The following PTPRK variants were observed in gnomAD, a reference collection of about 807,000 sequenced individuals.
PTPRK encodes the protein receptor-type tyrosine-protein phosphatase kappa.
Under a neutral mutation model 178.0 loss-of-function variants are expected in PTPRK, and 75 were observed. The ratio of observed to expected loss-of-function variants is 0.42; its 90% CI spans 0.35 to 0.51. PTPRK has a LOEUF of 0.51. PTPRK is among the 20% of genes least tolerant of loss of function. The pLI, the probability that PTPRK is intolerant of heterozygous loss-of-function variation, is 0.02. For missense variants in PTPRK, 1,441 were observed against 1,797.8 expected (o/e 0.80, Z 3.59); for synonymous variants, 637 against 620.6 (o/e 1.03, Z -0.39).
At chr6:128,371,684 A>G (rs1253484970) in intron 2 of PTPRK, among the ~76,000 whole-genome samples, 1 of 152,148 alleles carries the variant, frequency 6.6e-6, no homozygotes, top group African/African-American at 2.4e-5. Context: ...TCTTTTCTGA[A>G]AAACAAATAA....
intron 2 of PTPRK, among the ~76,000 whole-genome samples, chr6:128,359,629 G>A (rs1177801762): frequency 6.6e-6 from 1 of 152,052 alleles, no homozygotes. Context: ...GCAAGCGCCT[G>A]TAATCCCAGC....
chr6:128,127,152 G>A (rs563461845), intron 7 of PTPRK, among the ~76,000 whole-genome samples: 1 of 152,142 alleles, frequency 6.6e-6, no homozygotes, highest in Admixed American at 6.5e-5. Flanking sequence ...TATATGTCTA[G>A]TATTTCTCCA....
At chr6:128,238,643 T>C (rs1450552052) in intron 5 of PTPRK, among the ~76,000 whole-genome samples, 1 of 152,200 alleles carries the variant, frequency 6.6e-6, no homozygotes, top group Non-Finnish European at 1.5e-5. Flanking sequence ...ATTTTTAAAC[T>C]ATTATTTAGG....
intron 7 of PTPRK, among the ~76,000 whole-genome samples, chr6:128,170,958 G>A (rs554734798): frequency 3.5e-4 from 52 of 150,282 alleles, no homozygotes; most frequent in South Asian, 2.7e-3. Context: ...ATGGATACAC[G>A]TGCAAATACA....
At chr6:128,011,520 G>T (rs989415983) in intron 13 of PTPRK, among the ~76,000 whole-genome samples, 1 of 151,032 alleles carries the variant, frequency 6.6e-6, no homozygotes, top group Non-Finnish European at 1.5e-5. Flanking sequence ...CTTCAGAGCT[G>T]CTAATCCCTA....
chr6:128,463,489 C>T (rs1849341300), intron 1 of PTPRK, among the ~76,000 whole-genome samples: 1 of 152,090 alleles, frequency 6.6e-6, no homozygotes, highest in East Asian at 1.9e-4. Flanking sequence ...GTGAAATGCA[C>T]CTTGATGCCA....
intron 3 of PTPRK, among the ~76,000 whole-genome samples, chr6:128,305,824 A>C (rs1008956097): frequency 5.9e-5 from 9 of 152,252 alleles, no homozygotes; most frequent in African/African-American, 1.9e-4. Flanking sequence ...CCTTCTACTA[A>C]TCAATCCCTC....
At chr6:128,352,253 CAAAAA>C (rs10665459) in intron 2 of PTPRK, among the ~76,000 whole-genome samples, 11 of 94,962 alleles carry the variant, frequency 1.2e-4, no homozygotes, top group South Asian at 4.3e-4. Flanking sequence ...GACTTCATCT[CAAAAA>C]AAAAAAAAAA....
intron 3 of PTPRK, among the ~76,000 whole-genome samples, chr6:128,271,640 C>T (rs2128297720): frequency 6.6e-6 from 1 of 152,188 alleles, no homozygotes; most frequent in Non-Finnish European, 1.5e-5. Context: ...CCTTCTCAAT[C>T]AAAGTTTAAA....
chr6:128,503,212 C>A (rs539102756), intron 1 of PTPRK, among the ~76,000 whole-genome samples: 1 of 152,092 alleles, frequency 6.6e-6, no homozygotes. Context: ...GGCAACAGAG[C>A]GAGACTCCAT....
intron 1 of PTPRK, among the ~76,000 whole-genome samples, chr6:128,450,999 C>G (rs1033081704): frequency 6.6e-6 from 1 of 151,980 alleles, no homozygotes; most frequent in Non-Finnish European, 1.5e-5. Context: ...TCATGACCAA[C>G]GTTTAAAATG....
intron 7 of PTPRK, among the ~76,000 whole-genome samples, chr6:128,121,448 C>T (rs1168434275): frequency 6.6e-6 from 1 of 151,822 alleles, no homozygotes; most frequent in East Asian, 1.9e-4. Context: ...GTGTGTGAGG[C>T]TATCCAGGTT....
chr6:128,438,475 C>T (rs950750047), intron 1 of PTPRK, among the ~76,000 whole-genome samples: 1 of 152,248 alleles, frequency 6.6e-6, no homozygotes, highest in African/African-American at 2.4e-5. Context: ...CAGCTGGCTG[C>T]TTGCCACAGG....
At chr6:128,070,239 C>T (rs931449021) in intron 11 of PTPRK, among the ~76,000 whole-genome samples, 3 of 151,858 alleles carry the variant, frequency 2.0e-5, no homozygotes, top group Non-Finnish European at 4.4e-5. Context: ...ATAGAGCTCC[C>T]CTTAAAACTT....
chr6:128,169,774 A>C (rs1013035943), intron 7 of PTPRK, among the ~76,000 whole-genome samples: 1 of 123,508 alleles, frequency 8.1e-6, no homozygotes, highest in African/African-American at 3.1e-5. Context: ...TAAATATGTT[A>C]TTTTTTTAAT....
intron 6 of PTPRK, among the ~76,000 whole-genome samples, chr6:128,209,160 G>T (rs939054421): frequency 6.6e-6 from 1 of 151,556 alleles, no homozygotes; most frequent in African/African-American, 2.4e-5. Flanking sequence ...CCCTAAAAAC[G>T]CGCCATTTTC....
At chr6:128,503,536 T>G (rs1855866397) in intron 1 of PTPRK, among the ~76,000 whole-genome samples, 1 of 152,218 alleles carries the variant, frequency 6.6e-6, no homozygotes, top group South Asian at 2.1e-4. Context: ...TTGCCCTCTG[T>G]GCTATATACA....
intron 14 of PTPRK, chr6:128,007,951 T>C (rs1778618780): frequency 1.2e-6 from 1 of 866,834 alleles, no homozygotes; most frequent in Non-Finnish European, 1.7e-6. Context: ...ATATGATGTA[T>C]TTTCCAACCA....
At chr6:128,278,266 C>G (rs1188606744) in intron 3 of PTPRK, among the ~76,000 whole-genome samples, 2 of 151,978 alleles carry the variant, frequency 1.3e-5, no homozygotes, top group Non-Finnish European at 2.9e-5. Context: ...ATGCGATTCT[C>G]CTGCCTCAGC....
Sources: gnomAD v4.1 joint callset for allele counts (sites outside exome capture counted in the v4.1 genomes callset) on GRCh38, gnomAD v4.1.1 for gene constraint, MANE v1.5 for transcripts, NCBI Gene and HGNC (gene_info 2026-07-23, HGNC 2026-07-21) for gene names.